VAV3: variants seen among roughly 807,000 people sequenced by gnomAD.
VAV3 encodes the protein guanine nucleotide exchange factor VAV3.
In VAV3, 94 loss-of-function variants were observed where a neutral mutation model predicts 131.2. The observed-to-expected ratio is 0.72, with a 90% CI of 0.61 to 0.85. The LOEUF (loss-of-function observed/expected upper bound fraction) is 0.85. Ranked by LOEUF, VAV3 falls within the 40% of genes least tolerant of loss-of-function variation. The probability of loss-of-function intolerance (pLI) is 0.00; values close to 1 mark genes in which losing one functional copy is unlikely to be tolerated. For missense variants in VAV3, 939 were observed against 1,002.7 expected (o/e 0.94, Z 0.86); for synonymous variants, 349 against 342.0 (o/e 1.02, Z -0.22).
chr1:107,697,374 A>G (rs1271031585), intron 17 of VAV3, among the ~76,000 whole-genome samples: 1 of 152,180 alleles, frequency 6.6e-6, no homozygotes, highest in Non-Finnish European at 1.5e-5. Flanking sequence ...AACTTAAAAG[A>G]AGGAGAGAGG....
intron 25 of VAV3, among the ~76,000 whole-genome samples, chr1:107,586,804 A>T (rs1650534148): frequency 6.6e-6 from 1 of 152,166 alleles, no homozygotes; most frequent in Non-Finnish European, 1.5e-5. Context: ...CATTATTTTT[A>T]TAGTATATTT....
intron 1 of VAV3, among the ~76,000 whole-genome samples, chr1:107,892,699 A>G (rs1296088051): frequency 6.6e-6 from 1 of 152,194 alleles, no homozygotes; most frequent in African/African-American, 2.4e-5. Flanking sequence ...TTCACTAAAA[A>G]TTATAGACAT....
intron 20 of VAV3, among the ~76,000 whole-genome samples, chr1:107,632,718 A>G (rs1654596278): frequency 6.6e-6 from 1 of 152,238 alleles, no homozygotes. Context: ...GGAACTGATA[A>G]TTGAAGTGTT....
intron 15 of VAV3, among the ~76,000 whole-genome samples, chr1:107,730,561 A>G (rs1019718169): frequency 1.3e-5 from 2 of 152,256 alleles, no homozygotes; most frequent in Non-Finnish European, 2.9e-5. Context: ...AAATCTTGAA[A>G]TAAATTAACT....
At chr1:107,776,208 C>G (rs963387338) in intron 4 of VAV3, among the ~76,000 whole-genome samples, 1 of 152,124 alleles carries the variant, frequency 6.6e-6, no homozygotes, top group African/African-American at 2.4e-5. Context: ...GCAGTTTTGA[C>G]TTATTAATTT....
intron 19 of VAV3, among the ~76,000 whole-genome samples, chr1:107,678,356 T>C (rs1233108386): frequency 6.6e-6 from 1 of 152,182 alleles, no homozygotes; most frequent in African/African-American, 2.4e-5. Flanking sequence ...CAGAAGCAGG[T>C]TTGACTGATT....
chr1:107,743,178 G>A (rs1276788232), intron 15 of VAV3, among the ~76,000 whole-genome samples: 1 of 152,152 alleles, frequency 6.6e-6, no homozygotes, highest in Non-Finnish European at 1.5e-5. Context: ...CGAAAACTCT[G>A]GTGTTATAGC....
At chr1:107,675,195 T>C (rs1658108408) in intron 19 of VAV3, among the ~76,000 whole-genome samples, 1 of 152,240 alleles carries the variant, frequency 6.6e-6, no homozygotes, top group Admixed American at 6.5e-5. Flanking sequence ...AAATTCATGG[T>C]AAATTGTTAC....
chr1:107,860,587 G>C (rs181501104), intron 2 of VAV3, among the ~76,000 whole-genome samples: 1 of 151,494 alleles, frequency 6.6e-6, no homozygotes, highest in Non-Finnish European at 1.5e-5. Context: ...TCTTTAAATG[G>C]CTTCTATTCT....
At chr1:107,651,211 T>C (rs1438184742) in intron 19 of VAV3, among the ~76,000 whole-genome samples, 2 of 152,128 alleles carry the variant, frequency 1.3e-5, no homozygotes, top group Admixed American at 6.6e-5. Flanking sequence ...CTGTCAGCTG[T>C]CATTTATAAA....
chr1:107,863,320 T>G (rs1266554666), intron 2 of VAV3, among the ~76,000 whole-genome samples: 1 of 152,192 alleles, frequency 6.6e-6, no homozygotes, highest in Non-Finnish European at 1.5e-5. Flanking sequence ...TTAACCAGAC[T>G]GCCTCAGTTT....
intron 17 of VAV3, among the ~76,000 whole-genome samples, chr1:107,689,673 A>G (rs1659288529): frequency 6.6e-6 from 1 of 152,184 alleles, no homozygotes; most frequent in South Asian, 2.1e-4. Context: ...CCTTCTATGA[A>G]GGCATCTTTG....
chr1:107,751,039 G>GA, intron 13 of VAV3, 78 bp downstream of exon 13: 1 of 1,396,910 alleles, frequency 7.2e-7, no homozygotes, highest in South Asian at 1.3e-5. Flanking sequence ...ACTTCACACT[G>GA]GAAAAATTGT....
chr1:107,687,157 C>T (rs754813285), intron 18 of VAV3, among the ~76,000 whole-genome samples: 4 of 152,052 alleles, frequency 2.6e-5, no homozygotes, highest in Non-Finnish European at 5.9e-5. Context: ...TAAAGAAACT[C>T]ATATGGCCTA....
chr1:107,922,473 A>G (rs1440789985), intron 1 of VAV3, among the ~76,000 whole-genome samples: 1 of 152,216 alleles, frequency 6.6e-6, no homozygotes, highest in Admixed American at 6.5e-5. Flanking sequence ...ATGAATATAT[A>G]TCTATACAAG....
chr1:107,750,291 C>T (rs560858775), intron 13 of VAV3, among the ~76,000 whole-genome samples: 1 of 152,246 alleles, frequency 6.6e-6, no homozygotes, highest in Non-Finnish European at 1.5e-5. Context: ...AAACTGAAAA[C>T]GTTATGGTGA....
intron 15 of VAV3, among the ~76,000 whole-genome samples, chr1:107,706,637 T>G (rs1475100412): frequency 6.6e-6 from 1 of 152,198 alleles, no homozygotes; most frequent in East Asian, 1.9e-4. Context: ...TTCTTCACAT[T>G]GTTCAGAAAA....
At chr1:107,779,411 T>C (rs1218018981) in intron 3 of VAV3, 23 bp downstream of exon 3, 4 of 1,568,126 alleles carry the variant, frequency 2.6e-6, no homozygotes, top group Admixed American at 1.9e-5. Flanking sequence ...ATGGGACACA[T>C]GAACAACGAA....
At chr1:107,686,846 T>C (rs912925199) in intron 18 of VAV3, among the ~76,000 whole-genome samples, 4 of 152,220 alleles carry the variant, frequency 2.6e-5, no homozygotes, top group Non-Finnish European at 5.9e-5. Context: ...TACCCACTTC[T>C]TATTGGCATA....
Sources: allele counts gnomAD v4.1 joint callset (sites outside exome capture counted in the v4.1 genomes callset), GRCh38; gene constraint gnomAD v4.1.1; transcripts MANE v1.5; gene names NCBI Gene and HGNC (gene_info 2026-07-23, HGNC 2026-07-21).